CPNE4: variants seen among roughly 807,000 people sequenced by gnomAD.
CPNE4 encodes the protein copine 4, also known as copine-4.
Under a neutral mutation model 67.9 loss-of-function variants are expected in CPNE4, and 25 were observed. The ratio of observed to expected loss-of-function variants is 0.37; its 90% CI spans 0.27 to 0.51. The LOEUF is 0.51. Ranked by LOEUF, CPNE4 falls within the 20% of genes least tolerant of loss-of-function variation. The probability of loss-of-function intolerance (pLI) is 0.93; values close to 1 mark genes in which losing one functional copy is unlikely to be tolerated. For synonymous variants in CPNE4, 242 were observed against 244.9 expected (o/e 0.99, Z 0.11); for missense variants, 464 against 690.8 (o/e 0.67, Z 3.68).
intron 2 of CPNE4, among the ~76,000 whole-genome samples, chr3:131,893,372 T>C (rs1255978474): frequency 1.3e-5 from 2 of 151,976 alleles, no homozygotes; most frequent in Admixed American, 6.6e-5. Flanking sequence ...AATACAGTAA[T>C]CGTAGGAGGC....
chr3:131,899,456 C>T (rs991472759), intron 2 of CPNE4, among the ~76,000 whole-genome samples: 3 of 151,980 alleles, frequency 2.0e-5, no homozygotes, highest in Admixed American at 1.3e-4. Flanking sequence ...CTGTGAAAAC[C>T]AGACAAAATA....
intron 7 of CPNE4, among the ~76,000 whole-genome samples, chr3:131,610,486 T>C (rs1939773022): frequency 6.6e-6 from 1 of 152,176 alleles, no homozygotes; most frequent in Admixed American, 6.5e-5. Flanking sequence ...TTGTTCTCCT[T>C]GAGTGTGCAG....
At chr3:131,639,241 T>A (rs998694585) in intron 7 of CPNE4, among the ~76,000 whole-genome samples, 3 of 151,884 alleles carry the variant, frequency 2.0e-5, no homozygotes, top group Non-Finnish European at 4.4e-5. Context: ...TTTGAAAAGA[T>A]AAATAAAACT....
intron 7 of CPNE4, among the ~76,000 whole-genome samples, chr3:131,654,071 A>G (rs1420606468): frequency 1.3e-5 from 2 of 152,166 alleles, no homozygotes; most frequent in Non-Finnish European, 2.9e-5. Context: ...CAGAAATTCT[A>G]TTTAACTGGT....
chr3:131,963,739 G>T (rs533866895), intron 1 of CPNE4, among the ~76,000 whole-genome samples: 1 of 152,170 alleles, frequency 6.6e-6, no homozygotes, highest in African/African-American at 2.4e-5. Flanking sequence ...CTCCAGTCAC[G>T]GGCTTATAGA....
intron 2 of CPNE4, among the ~76,000 whole-genome samples, chr3:131,726,815 T>TA (rs148221179): frequency 0.022 from 3,419 of 152,130 alleles, 119 homozygotes; most frequent in African/African-American, 0.077. Context: ...CAGAAATCTC[T>TA]AAAAAAGTGT....
chr3:132,006,843 T>G (rs1027533505), intron 1 of CPNE4, among the ~76,000 whole-genome samples: 2 of 152,144 alleles, frequency 1.3e-5, no homozygotes, highest in African/African-American at 2.4e-5. Flanking sequence ...TAACTAGATG[T>G]GAGAAGACAC....
chr3:131,766,564 T>C (rs995465235), intron 2 of CPNE4, among the ~76,000 whole-genome samples: 17 of 152,272 alleles, frequency 1.1e-4, no homozygotes, highest in East Asian at 3.9e-4. Context: ...ATGGGCACAA[T>C]TGGCTCCCAA....
chr3:131,731,538 C>T (rs913962366), intron 2 of CPNE4, among the ~76,000 whole-genome samples: 5 of 152,212 alleles, frequency 3.3e-5, no homozygotes, highest in South Asian at 2.1e-4. Context: ...ATAGCTGTTC[C>T]TTTTCCCCAG....
chr3:132,028,924 C>CT lies in CPNE4; in HGVS notation c.-2+5642dup, dbSNP rs67866239. On this transcript the variant is annotated intron_variant, in intron 1 of 15. Coordinates refer to ENST00000429747, the MANE Select transcript of CPNE4 (RefSeq NM_130808.3). ...TAAGTAAAATATATTCTTAATTTTT[C>CT]TTTTTTTTTTTTTTAAAGGGTGAAG... Among the ~76,000 whole-genome samples, 302 of 142,514 alleles carry CT rather than the reference C, an allele frequency of 2.1e-3. 1 individual carries two copies. The highest frequency in any genetic ancestry group is 5.8e-3 in the East Asian group (28 of 4,832). The allele number at this position is 142,514 out of a possible 152,430, so 93.5% of individuals were successfully genotyped here.
At chr3:131,839,239 T>C (rs1446946613) in intron 2 of CPNE4, among the ~76,000 whole-genome samples, 1 of 151,838 alleles carries the variant, frequency 6.6e-6, no homozygotes, top group Non-Finnish European at 1.5e-5. Flanking sequence ...GGTGAACATT[T>C]TGAATAATTA....
At chr3:131,934,644 A>C (rs1019344271) in intron 1 of CPNE4, among the ~76,000 whole-genome samples, 1 of 152,008 alleles carries the variant, frequency 6.6e-6, no homozygotes, top group Admixed American at 6.6e-5. Context: ...GCTCCCACTT[A>C]TGAATGAGAA....
intron 1 of CPNE4, among the ~76,000 whole-genome samples, chr3:131,980,852 CTG>C (rs545120219): frequency 6.1e-4 from 93 of 152,214 alleles, no homozygotes; most frequent in African/African-American, 2.1e-3. Flanking sequence ...GGGATGAAGG[CTG>C]TTCTTCAGAT....
At chr3:131,746,017 A>G (rs891787026) in intron 2 of CPNE4, among the ~76,000 whole-genome samples, 1 of 152,122 alleles carries the variant, frequency 6.6e-6, no homozygotes, top group Non-Finnish European at 1.5e-5. Flanking sequence ...ATCCACGAAC[A>G]TGGCATGTGT....
At chr3:131,724,724 C>T (rs1028448543) in intron 2 of CPNE4, among the ~76,000 whole-genome samples, 1 of 152,094 alleles carries the variant, frequency 6.6e-6, no homozygotes, top group Non-Finnish European at 1.5e-5. Context: ...GTAATGGCTT[C>T]CTGTTGTTGC....
At chr3:131,999,240 G>GAAAAAAAAAAA (rs2073366807) in intron 1 of CPNE4, among the ~76,000 whole-genome samples, 1 of 10,358 alleles carries the variant, frequency 9.7e-5, no homozygotes, top group African/African-American at 4.8e-4. Flanking sequence ...TTTATCCAAG[G>GAAAAAAAAAAA]TAAAAAAAAA....
chr3:131,996,405 AAG>A (rs1266117996), intron 1 of CPNE4, among the ~76,000 whole-genome samples: 2 of 152,068 alleles, frequency 1.3e-5, no homozygotes, highest in African/African-American at 4.8e-5. Context: ...TAGGAGGGAA[AAG>A]AGTCATTGCC....
At chr3:131,634,469 A>C (rs750779189) in intron 7 of CPNE4, among the ~76,000 whole-genome samples, 3 of 152,190 alleles carry the variant, frequency 2.0e-5, no homozygotes, top group Non-Finnish European at 2.9e-5. Context: ...TCTGCAGAAC[A>C]TCAGCCAGCA....
At chr3:131,910,079 G>A (rs962796320) in intron 1 of CPNE4, among the ~76,000 whole-genome samples, 3 of 152,072 alleles carry the variant, frequency 2.0e-5, no homozygotes, top group African/African-American at 7.2e-5. Context: ...GTGATCATAT[G>A]AGGCTGTTTT....
Sources: gnomAD v4.1 joint callset for allele counts (sites outside exome capture counted in the v4.1 genomes callset) on GRCh38, gnomAD v4.1.1 for gene constraint, MANE v1.5 for transcripts, NCBI Gene and HGNC (gene_info 2026-07-23, HGNC 2026-07-21) for gene names.